The following KCNN2 variants were observed in gnomAD, a reference collection of about 807,000 sequenced individuals.
The protein encoded by KCNN2 is potassium calcium-activated channel subfamily N member 2.
A neutral mutation model predicts 55.5 loss-of-function variants in KCNN2; 24 were observed. That is an observed-to-expected ratio of 0.43 (90% CI 0.31 to 0.61). The LOEUF (loss-of-function observed/expected upper bound fraction) is 0.61, where lower values mean the gene tolerates loss of function less well. Among genes scored for constraint, KCNN2 ranks in the 20% least tolerant of loss-of-function variants. The pLI, the probability that KCNN2 is intolerant of heterozygous loss-of-function variation, is 0.08. For missense variants in KCNN2, 754 were observed against 853.6 expected, an observed-to-expected ratio of 0.88 and a Z score of 1.45; for synonymous variants, 431 against 336.1, an observed-to-expected ratio of 1.28 and a Z score of -3.09.
At chr5:114,374,921 C>A (rs546922593) in intron 2 of KCNN2, among the ~76,000 whole-genome samples, 2 of 152,258 alleles carry the variant, frequency 1.3e-5, no homozygotes, top group East Asian at 3.9e-4. Context: ...AGTTTGACCA[C>A]TGTGACTTTA....
At chr5:114,450,097 C>T (rs1317955261) in intron 3 of KCNN2, among the ~76,000 whole-genome samples, 3 of 152,170 alleles carry the variant, frequency 2.0e-5, no homozygotes, top group South Asian at 2.1e-4. Flanking sequence ...CCCGCCACAC[C>T]GTTCTTTGCC....
In KCNN2 at chr5:114,406,117, A is replaced by G. The variant is rs1003767808; in HGVS notation, c.1637+1261A>G. On this transcript the variant is annotated intron_variant, in intron 3 of 7. Transcript: ENST00000673685. ...AGTTGCTGGAAAAAAAAAAAAAAAA[A>G]GGGTAGTGAACCCTGACCACCCCCC... Among the ~76,000 whole-genome samples, 60 of 151,134 alleles carry G rather than the reference A, an allele frequency of 4.0e-4. 1 individual carries two copies. The highest frequency in any genetic ancestry group is 3.2e-3 in the Admixed American group (48 of 15,184).
intron 1 of KCNN2, among the ~76,000 whole-genome samples, chr5:114,136,090 A>T (rs1008505182): frequency 6.6e-6 from 1 of 152,206 alleles, no homozygotes; most frequent in Non-Finnish European, 1.5e-5. Flanking sequence ...ACAAAAATAG[A>T]TGAAAATAGA....
chr5:114,090,642 A>G (rs1751124055), intron 1 of KCNN2, among the ~76,000 whole-genome samples: 2 of 151,882 alleles, frequency 1.3e-5, no homozygotes, highest in Admixed American at 6.6e-5. Flanking sequence ...GAATATAGAT[A>G]TGCTATATTT....
chr5:114,299,121 C>T (rs774954317), intron 2 of KCNN2, among the ~76,000 whole-genome samples: 21 of 129,954 alleles, frequency 1.6e-4, no homozygotes, highest in Non-Finnish European at 3.2e-4. Context: ...CTTCCTTCCT[C>T]TTATTCTTTC....
At chr5:114,148,353 AAC>A (rs374017042) in intron 1 of KCNN2, among the ~76,000 whole-genome samples, 343 of 152,272 alleles carry the variant, frequency 2.3e-3, no homozygotes, top group African/African-American at 7.8e-3. Flanking sequence ...TTGTGCAACA[AAC>A]ACAGACGAGT....
At chr5:114,458,000 A>G (rs1761009273) in intron 3 of KCNN2, among the ~76,000 whole-genome samples, 1 of 152,186 alleles carries the variant, frequency 6.6e-6, no homozygotes. Context: ...GCTGAAAGCA[A>G]ATTACACAGT....
At chr5:114,260,366 G>A (rs1332667289) in intron 2 of KCNN2, among the ~76,000 whole-genome samples, 1 of 152,020 alleles carries the variant, frequency 6.6e-6, no homozygotes, top group Non-Finnish European at 1.5e-5. Context: ...CTATACCTCA[G>A]CCTCATTGTA....
chr5:114,178,797 G>A (rs954046424), intron 1 of KCNN2, among the ~76,000 whole-genome samples: 2 of 152,116 alleles, frequency 1.3e-5, no homozygotes, highest in East Asian at 1.9e-4. Flanking sequence ...TAAGGAGGCC[G>A]GATCATGTGA....
intron 1 of KCNN2, among the ~76,000 whole-genome samples, chr5:114,168,511 T>A (rs2112540289): frequency 6.6e-6 from 1 of 152,228 alleles, no homozygotes; most frequent in Non-Finnish European, 1.5e-5. Context: ...TAGGCATTAG[T>A]TATGTCAGCT....
At chr5:114,423,431 A>G (rs1214812192) in intron 3 of KCNN2, among the ~76,000 whole-genome samples, 1 of 152,204 alleles carries the variant, frequency 6.6e-6, no homozygotes, top group Admixed American at 6.5e-5. Flanking sequence ...CCAGGGACTT[A>G]GGAAGTGTTT....
chr5:114,166,453 C>T (rs1034917131), intron 1 of KCNN2, among the ~76,000 whole-genome samples: 7 of 152,042 alleles, frequency 4.6e-5, no homozygotes, highest in African/African-American at 1.7e-4. Flanking sequence ...CAAACTCTGG[C>T]CAATTGTGTT....
chr5:114,298,567 A>C (rs1391545320), intron 2 of KCNN2, among the ~76,000 whole-genome samples: 1 of 152,222 alleles, frequency 6.6e-6, no homozygotes, highest in African/African-American at 2.4e-5. Flanking sequence ...AGGTGAAAAA[A>C]ACAGGATCCA....
intron 2 of KCNN2, among the ~76,000 whole-genome samples, chr5:114,367,865 A>G (rs1364912528): frequency 6.6e-6 from 1 of 152,202 alleles, no homozygotes; most frequent in African/African-American, 2.4e-5. Flanking sequence ...GTAGGCAAAC[A>G]TAAGATTCTA....
intron 1 of KCNN2, among the ~76,000 whole-genome samples, chr5:114,062,614 T>G (rs1026472997): frequency 2.0e-5 from 3 of 152,202 alleles, no homozygotes; most frequent in African/African-American, 7.2e-5. Context: ...TAGTAAGAAA[T>G]TTGTCCTATA....
rs1353539271 is a variant in KCNN2 at position 114,160,846 on chromosome 5, C to T, written c.-270-60634C>T. Among the ~76,000 whole-genome samples the T allele has an allele frequency of 1.6e-3, 245 of 151,794 alleles. 1 individual carries two copies. Among genetic ancestry groups the T allele is most frequent in the Middle Eastern group, 3.4e-3 (1 of 294 alleles). ...TGCAACCCCTGCCTTTTTTTGTTTTCCATTTGCTTGGTGGATCTTCCTCCA... is the reference window on the plus strand; with the variant it reads ...TGCAACCCCTGCCTTTTTTTGTTTTTCATTTGCTTGGTGGATCTTCCTCCA... On this transcript the variant is annotated intron_variant, in intron 1 of 10. Transcript: ENST00000512097.
intron 4 of KCNN2, among the ~76,000 whole-genome samples, chr5:114,470,006 TAATAGTTTTGA>T (rs1284045944): frequency 6.6e-6 from 1 of 152,192 alleles, no homozygotes; most frequent in Non-Finnish European, 1.5e-5. Flanking sequence ...GGTATATAGA[TAATAGTTTTGA>T]TAATTACTAA....
chr5:114,327,085 A>G (rs1756727768), intron 2 of KCNN2, among the ~76,000 whole-genome samples: 1 of 152,226 alleles, frequency 6.6e-6, no homozygotes, highest in Admixed American at 6.5e-5. Context: ...GGAAACAAAA[A>G]CAATGTTTTA....
At chr5:114,309,788 G>A (rs1335002291) in intron 2 of KCNN2, among the ~76,000 whole-genome samples, 1 of 152,072 alleles carries the variant, frequency 6.6e-6, no homozygotes, top group Non-Finnish European at 1.5e-5. Flanking sequence ...GTGACTCCTG[G>A]CTCAAAGAGT....
Sources: allele counts gnomAD v4.1 joint callset (sites outside exome capture counted in the v4.1 genomes callset), GRCh38; gene constraint gnomAD v4.1.1; transcripts MANE v1.5; gene names NCBI Gene and HGNC (gene_info 2026-07-23, HGNC 2026-07-21).